The following HOXA3 variants were observed in gnomAD, a reference collection of about 807,000 sequenced individuals.
The protein encoded by HOXA3 is homeobox protein Hox-A3.
HOXA3 carries 8 observed loss-of-function variants against 30.3 expected under a neutral mutation model. That is an observed-to-expected ratio of 0.26 (90% CI 0.15 to 0.48). The LOEUF is 0.48. HOXA3 is among the 20% of genes least tolerant of loss of function. HOXA3 has a pLI of 0.99. For synonymous variants in HOXA3, 323 were observed against 273.1 expected, an observed-to-expected ratio of 1.18 and a Z score of -1.80; for missense variants, 653 against 614.4, an observed-to-expected ratio of 1.06 and a Z score of -0.66.
intron 1 of HOXA3, chr7:27,147,051 C>T: frequency 1.8e-6 from 1 of 556,198 alleles, no homozygotes; most frequent in Non-Finnish European, 3.2e-6. Context: ...TCACAGGTCT[C>T]ATATACGTGC....
intron 1 of HOXA3, chr7:27,140,572 T>C (rs1399042068): frequency 1.3e-5 from 2 of 152,192 alleles, no homozygotes; most frequent in African/African-American, 4.8e-5. Flanking sequence ...AAATTAATTG[T>C]AGCAAAAGAA....
intron 2 of HOXA3, among the ~76,000 whole-genome samples, chr7:27,139,204 A>G (rs975324285): frequency 1.3e-5 from 2 of 152,244 alleles, no homozygotes; most frequent in Admixed American, 1.3e-4. Context: ...GACTAAAGTT[A>G]AATCCGGCCA....
chr7:27,108,797 T>C lies in HOXA3; in HGVS notation c.527-77A>G. On this transcript the variant is annotated intron_variant, in intron 5 of 5. Coordinates refer to ENST00000612286, the MANE Select transcript of HOXA3 (RefSeq NM_153631.3). The surrounding 1 kb of genome is among the most constrained non-coding windows in gnomAD (Gnocchi z 5.0). ...CCAGCCCCTGACCCAGCCCGGCCCC[T>C]CCTTCCACCAGGCCCCAAAGGTTCC... is the stretch of plus-strand genomic sequence containing the variant. 9.0e-7 allele frequency: 1 copy of C among 1,114,046 alleles called. No individual in the cohort carries two copies. The highest frequency in any genetic ancestry group is 1.2e-6 in the Non-Finnish European group (1 of 801,796). The allele number at this position is 1,114,046 out of a possible 1,614,324, so 69.0% of individuals were successfully genotyped here.
intron 1 of HOXA3, chr7:27,143,749 A>T: frequency 7.1e-7 from 1 of 1,405,020 alleles, no homozygotes; most frequent in Non-Finnish European, 9.3e-7. Flanking sequence ...AATATGGGGT[A>T]CGACTTCGAA....
intron 2 of HOXA3, among the ~76,000 whole-genome samples, chr7:27,131,285 G>A (rs1457848340): frequency 6.6e-6 from 1 of 152,194 alleles, no homozygotes; most frequent in Non-Finnish European, 1.5e-5. Context: ...TTGGGACCGA[G>A]GGGCATCCTG....
intron 1 of HOXA3, chr7:27,147,872 G>A: frequency 1.1e-6 from 1 of 906,676 alleles, no homozygotes; most frequent in Non-Finnish European, 1.6e-6. Flanking sequence ...GCAGCAAATC[G>A]CACCAGCTGA....
chr7:27,120,487 G>A (rs2128048389), intron 4 of HOXA3, among the ~76,000 whole-genome samples: 1 of 145,698 alleles, frequency 6.9e-6, no homozygotes, highest in East Asian at 2.0e-4. Flanking sequence ...GTTGCAGTGA[G>A]CTGAGATCGT....
chr7:27,147,588 T>C (rs1782820031), intron 1 of HOXA3: 1 of 1,614,068 alleles, frequency 6.2e-7, no homozygotes, highest in Non-Finnish European at 8.5e-7. Flanking sequence ...AGAAACAAGG[T>C]GAGGTGTACG....
intron 4 of HOXA3, among the ~76,000 whole-genome samples, chr7:27,115,064 G>A (rs558631323): frequency 1.1e-4 from 16 of 145,598 alleles, no homozygotes; most frequent in African/African-American, 4.1e-4. Context: ...AAGAGAAATG[G>A]AGATTTCTCT....
chr7:27,118,236 C>A (rs1049429737), intron 4 of HOXA3, among the ~76,000 whole-genome samples: 1 of 152,152 alleles, frequency 6.6e-6, no homozygotes, highest in Admixed American at 6.5e-5. Context: ...AAACTGCAAT[C>A]GGCTCAGAGA....
At position 27,108,789 on chromosome 7, in the gene HOXA3, C is replaced by A. The variant is rs2128038640; in HGVS notation, c.527-69G>T. 2 of 1,242,998 alleles carry A rather than the reference C, an allele frequency of 1.6e-6. 1 individual carries two copies. Among genetic ancestry groups the A allele is most frequent in the South Asian group, 2.9e-5 (2 of 68,452 alleles). The allele number at this position is 1,242,998 out of a possible 1,614,324, so 77.0% of individuals were successfully genotyped here. A position where few individuals can be genotyped will look rare whatever the true frequency, so the allele number is the denominator to read the frequency against. On this transcript the variant is annotated intron_variant, in intron 5 of 5. Coordinates refer to ENST00000612286, the MANE Select transcript of HOXA3 (RefSeq NM_153631.3). This position sits in a 1 kb window ranked among gnomAD's most constrained non-coding sequence, Gnocchi z 5.0. The stretch of plus-strand genomic sequence containing the variant: ...GGCCCCGCCCAGCCCCTGACCCAGC[C>A]CGGCCCCTCCTTCCACCAGGCCCCA...
rs760079612 is a variant in HOXA3 at position 27,108,699 on chromosome 7, T to C, written c.548A>G (p.Lys183Arg). Residue 183 changes from lysine (K) to arginine (R), a missense_variant, in exon 6 of 6, where the codon AAG becomes AGG. Transcript: ENST00000612286. This position sits in a 1 kb window ranked among gnomAD's most constrained non-coding sequence, Gnocchi z 5.0. ...SSSGESCAGD[K>R]SPPGQASSKR... Reference sequence around the variant, plus strand: ...GGACGAAGCCTGCCCCGGCGGGCTCTTGTCGCCAGCGCAGCTTTCGCCTGC... The same window carrying C: ...GGACGAAGCCTGCCCCGGCGGGCTCCTGTCGCCAGCGCAGCTTTCGCCTGC... The C allele has an allele frequency of 6.2e-6, 10 of 1,604,182 alleles. No individual in the cohort carries two copies. In the African/African-American group the frequency reaches 8.1e-5, roughly 13 times the overall value.
At chr7:27,143,673 A>T (rs1316967433) in intron 1 of HOXA3, 1 of 1,519,542 alleles carries the variant, frequency 6.6e-7, no homozygotes, top group Non-Finnish European at 8.8e-7. Flanking sequence ...GCACCCTTGC[A>T]CAATTTATGA....
In HOXA3 at chr7:27,108,197, C is replaced by G; in HGVS notation, c.1050G>C (p.Gln350His). The change falls in exon 6 of 6, where the codon CAG becomes CAC. Residue 350 changes from glutamine to histidine, a missense_variant. Gln to His is a conservative substitution (Grantham distance 24, BLOSUM62 0). Around this residue, in one of 3 missense-constraint regions of HOXA3, gnomAD observed 330 missense variants for 274.4 expected, o/e 1.20. Coordinates refer to ENST00000612286, the MANE Select transcript of HOXA3 (RefSeq NM_153631.3). This position sits in a 1 kb window ranked among gnomAD's most constrained non-coding sequence, Gnocchi z 5.0. ...PDYDPHAHGL[Q>H]GNGSYGTPHI... Reference sequence around the variant, plus strand: ...GTGGGGTCCCATAGCTGCCGTTGCCCTGCAGGCCATGAGCGTGCGGGTCAT... The same window carrying G: ...GTGGGGTCCCATAGCTGCCGTTGCCGTGCAGGCCATGAGCGTGCGGGTCAT... The G allele has an allele frequency of 6.5e-7, 1 of 1,544,712 alleles. No homozygotes were observed. The highest frequency in any genetic ancestry group is 1.2e-5 in the South Asian group (1 of 81,776).
At chr7:27,151,516 T>C (rs925940854) in intron 1 of HOXA3, 2 of 453,102 alleles carry the variant, frequency 4.4e-6, no homozygotes, top group Non-Finnish European at 8.9e-6. Flanking sequence ...TTATGTCCTC[T>C]GCACCGAAAC....
At chr7:27,130,090 C>A in intron 2 of HOXA3, 1 of 1,575,070 alleles carries the variant, frequency 6.3e-7, no homozygotes, top group Non-Finnish European at 8.6e-7. Context: ...CGGCCCACCT[C>A]CCGCGCCTCC....
chr7:27,123,205 T>A (rs1488883751), intron 3 of HOXA3: 1 of 152,296 alleles, frequency 6.6e-6, no homozygotes, highest in Non-Finnish European at 1.5e-5. Context: ...AGGATTTGTG[T>A]TCTGGTTTAT....
chr7:27,147,508 G>C (rs754446958), intron 1 of HOXA3: 1 of 1,614,082 alleles, frequency 6.2e-7, no homozygotes, highest in African/African-American at 1.3e-5. Flanking sequence ...GTCCTTATCA[G>C]AATAGAAACA....
chr7:27,139,893 C>G (rs73288602), intron 2 of HOXA3, among the ~76,000 whole-genome samples, 190 bp downstream of exon 2: 2 of 152,110 alleles, frequency 1.3e-5, no homozygotes, highest in African/African-American at 2.4e-5. Flanking sequence ...GCCACAGGCG[C>G]TGCTCACTCT....
Sources: allele counts gnomAD v4.1 joint callset (sites outside exome capture counted in the v4.1 genomes callset), GRCh38; gene constraint gnomAD v4.1.1; regional missense constraint gnomAD v4.1.1; non-coding constraint Gnocchi (gnomAD v3.1); transcripts MANE v1.5; gene names NCBI Gene and HGNC (gene_info 2026-07-23, HGNC 2026-07-21).